Variants in SUSD5 observed in about 807,000 individuals in gnomAD.
The protein encoded by SUSD5 is sushi domain-containing protein 5.
SUSD5 carries 33 observed loss-of-function variants against 29.5 expected under a neutral mutation model. The ratio of observed to expected loss-of-function variants is 1.12; its 90% confidence interval spans 0.85 to 1.49. SUSD5 has a LOEUF of 1.49. Ranked by LOEUF, SUSD5 falls within the 40% of genes most tolerant of loss-of-function variation. The probability of loss-of-function intolerance (pLI) is 0.00; values close to 1 mark genes in which losing one functional copy is unlikely to be tolerated. For missense variants in SUSD5, 776 were observed against 800.6 expected (o/e 0.97, Z 0.37); for synonymous variants, 308 against 325.3 (o/e 0.95, Z 0.57).
rs762384976 is a variant in SUSD5 at position 33,151,825 on chromosome 3, AG to A, written c.*916del. 6.6e-6 allele frequency: 1 copy of A among 152,236 alleles called. No homozygotes were observed. The highest frequency in any genetic ancestry group is 1.9e-4 in the East Asian group (1 of 5,204). The allele number at this position is 152,236 out of a possible 1,614,324, so 9.4% of individuals were successfully genotyped here. A position where few individuals can be genotyped will look rare whatever the true frequency, so the allele number is the denominator to read the frequency against. On this transcript the variant is annotated 3_prime_UTR_variant, in exon 5 of 5. Coordinates refer to ENST00000309558, the MANE Select transcript of SUSD5 (RefSeq NM_015551.2). ...AATGACAGACTGTCCCACAGAATGG[AG>A]GGAACAGAGGGGGATGTGTGTTTCT...
intron 3 of SUSD5, among the ~76,000 whole-genome samples, chr3:33,206,412 AGTGT>A (rs5847777): frequency 0.064 from 9,454 of 148,582 alleles, 358 homozygotes; most frequent in Non-Finnish European, 0.086. Context: ...AATTTACTTG[AGTGT>A]GTGTGTGTGT....
Position 33,152,873 on chromosome 3 carries a change from G to A in SUSD5, c.1759C>T (p.Leu587=), listed in dbSNP as rs752837835. The change falls in exon 5 of 5, where the codon CTG becomes TTG. Residue 587 remains leucine, a synonymous_variant. Transcript: ENST00000309558. The part of the protein sequence containing the change: ...ATIVTVLCLL[L]LLAGVGMVWG... ...ACCATCCCCACACCTGCCAGGAGCA[G>A]CAGTAGGCACAGGACGGTGACAATG... is the stretch of plus-strand genomic sequence containing the variant. 1 of 1,613,988 alleles carries A rather than the reference G, an allele frequency of 6.2e-7. No homozygotes were observed. The highest frequency in any genetic ancestry group is 2.2e-5 in the East Asian group (1 of 44,866).
intron 3 of SUSD5, among the ~76,000 whole-genome samples, chr3:33,175,876 G>A (rs2031542872): frequency 6.6e-6 from 1 of 152,068 alleles, no homozygotes. Flanking sequence ...TTACCTCAAG[G>A]TTACCATAAT....
chr3:33,179,039 G>A (rs1256457581), intron 3 of SUSD5, among the ~76,000 whole-genome samples: 2 of 152,112 alleles, frequency 1.3e-5, no homozygotes, highest in Non-Finnish European at 2.9e-5. Flanking sequence ...ATGTTTGGCA[G>A]AATCCACTAG....
Position 33,207,854 on chromosome 3 carries a change from G to A in SUSD5, c.363C>T (p.Asn121=). ...MRAVDVRIES[N]PVPGGTYSAL... ...CACTGTATGTGCCACCAGGAACTGG[G>A]TTGCTCTCAATTCTCACATCGACAG... is the stretch of plus-strand genomic sequence containing the variant. Residue 121 remains asparagine (N), a synonymous_variant, in exon 3 of 5, where the codon AAC becomes AAT. Transcript: ENST00000309558. 1 of 1,613,928 alleles carries A rather than the reference G, an allele frequency of 6.2e-7. No individual in the cohort carries two copies. The highest frequency in any genetic ancestry group is 8.5e-7 in the Non-Finnish European group (1 of 1,179,854).
chr3:33,182,319 T>C (rs2031689584), intron 3 of SUSD5, among the ~76,000 whole-genome samples: 1 of 152,250 alleles, frequency 6.6e-6, no homozygotes, highest in South Asian at 2.1e-4. Flanking sequence ...TAAAATTTGT[T>C]AATTTGTGTT....
At chr3:33,159,638 A>G (rs979547755) in intron 4 of SUSD5, among the ~76,000 whole-genome samples, 1 of 152,128 alleles carries the variant, frequency 6.6e-6, no homozygotes, top group African/African-American at 2.4e-5. Context: ...GTTCCAGTTG[A>G]AACTGTATCG....
chr3:33,153,687 T>C lies in SUSD5; in HGVS notation c.945A>G (p.Lys315=), dbSNP rs777114066. The C allele has an allele frequency of 1.9e-6, 3 of 1,614,034 alleles. No individual in the cohort carries two copies. The South Asian group carries it at 3.3e-5, about 18-fold the overall frequency. The change falls in exon 5 of 5, where the codon AAA becomes AAG. Residue 315 remains lysine, a synonymous_variant. Transcript: ENST00000309558. ...GLEKEVDDDT[K]KQFSAGDNHS... ...GGTTGTCTCCAGCAGAAAACTGCTT[T>C]TTGGTGTCATCATCCACCTCCTTTT...
chr3:33,171,025 T>C (rs2031414997), intron 4 of SUSD5, among the ~76,000 whole-genome samples: 1 of 152,244 alleles, frequency 6.6e-6, no homozygotes, highest in Admixed American at 6.5e-5. Context: ...ATCTCTGTGA[T>C]AACTAGTACC....
intron 2 of SUSD5, among the ~76,000 whole-genome samples, chr3:33,209,354 T>A (rs2032280299): frequency 1.3e-5 from 2 of 152,172 alleles, no homozygotes; most frequent in African/African-American, 4.8e-5. Context: ...CATTTTCATA[T>A]TACTTTTATT....
intron 3 of SUSD5, among the ~76,000 whole-genome samples, chr3:33,189,401 C>T (rs1042388052): frequency 7.0e-6 from 1 of 142,326 alleles, no homozygotes; most frequent in African/African-American, 2.6e-5. Context: ...CGCTTGAACC[C>T]GGGAGGCGGA....
At chr3:33,183,620 AT>A (rs1257893558) in intron 3 of SUSD5, among the ~76,000 whole-genome samples, 1 of 152,058 alleles carries the variant, frequency 6.6e-6, no homozygotes, top group African/African-American at 2.4e-5. Context: ...TGTACAAACT[AT>A]TATCTCTCTG....
chr3:33,171,024 A>G (rs143986874), intron 4 of SUSD5, among the ~76,000 whole-genome samples: 2 of 152,340 alleles, frequency 1.3e-5, no homozygotes, highest in East Asian at 3.9e-4. Flanking sequence ...TATCTCTGTG[A>G]TAACTAGTAC....
At chr3:33,161,140 T>C (rs1247944971) in intron 4 of SUSD5, among the ~76,000 whole-genome samples, 2 of 152,096 alleles carry the variant, frequency 1.3e-5, no homozygotes, top group Admixed American at 6.6e-5. Flanking sequence ...ATAGTAAATA[T>C]GGAGGCAGAG....
chr3:33,213,366 A>G (rs1394015830), intron 2 of SUSD5, among the ~76,000 whole-genome samples: 1 of 151,162 alleles, frequency 6.6e-6, no homozygotes, highest in Non-Finnish European at 1.5e-5. Flanking sequence ...ATTGTGCCAC[A>G]GCACTCCAGC....
intron 4 of SUSD5, among the ~76,000 whole-genome samples, chr3:33,173,885 G>A (rs972425558): frequency 6.6e-6 from 1 of 152,204 alleles, no homozygotes; most frequent in Non-Finnish European, 1.5e-5. Flanking sequence ...ATCGCCTGCT[G>A]GCTGCTGCGT....
At chr3:33,154,087 T>C (rs2030993165) in intron 4 of SUSD5, 54 bp from the exon 5 acceptor site, 2 of 1,406,028 alleles carry the variant, frequency 1.4e-6, no homozygotes, top group African/African-American at 1.4e-5. Flanking sequence ...AGAGCCAGTA[T>C]AGAACATAAG....
intron 3 of SUSD5, among the ~76,000 whole-genome samples, chr3:33,177,674 G>T (rs1027236979): frequency 2.6e-5 from 4 of 151,992 alleles, no homozygotes; most frequent in African/African-American, 7.3e-5. Context: ...GCACACAACT[G>T]GTAATGTGTT....
chr3:33,153,301 AC>A lies in SUSD5; in HGVS notation c.1330del (p.Val444TrpfsTer9). 2 of 1,613,938 alleles carry A rather than the reference AC, an allele frequency of 1.2e-6. No individual in the cohort carries two copies. The highest frequency in any genetic ancestry group is 1.7e-6 in the Non-Finnish European group (2 of 1,179,882). On this transcript the variant is annotated frameshift_variant, in exon 5 of 5. Coordinates refer to ENST00000309558, the MANE Select transcript of SUSD5 (RefSeq NM_015551.2). LOFTEE classifies it low-confidence loss of function (END_TRUNC). ...CACGGGTCTGAGCGCCAAAGCTTCCACATCTAGCATTTGAGATGGAAGAACT... is the reference window on the plus strand; with the variant it reads ...CACGGGTCTGAGCGCCAAAGCTTCCAATCTAGCATTTGAGATGGAAGAACT... ...SSVLPSQMLD[V>X]EALALRPVNA...
Sources: allele counts gnomAD v4.1 joint callset (sites outside exome capture counted in the v4.1 genomes callset), GRCh38; gene constraint gnomAD v4.1.1; transcripts MANE v1.5; gene names NCBI Gene and HGNC (gene_info 2026-07-23, HGNC 2026-07-21).